PRDM1: variants seen among roughly 807,000 people sequenced by gnomAD.
PRDM1 encodes PR domain zinc finger protein 1.
A neutral mutation model predicts 62.8 loss-of-function variants in PRDM1; 13 were observed. That is an observed-to-expected ratio of 0.21 (90% CI 0.13 to 0.33). The LOEUF is 0.33. Ranked by LOEUF, PRDM1 falls within the 10% of genes least tolerant of loss-of-function variation. PRDM1 has a pLI of 1.00. For missense variants in PRDM1, 895 were observed against 1,058.8 expected (o/e 0.85, Z 2.15); for synonymous variants, 396 against 417.6 (o/e 0.95, Z 0.63).
At chr6:106,083,962 C>T (rs1323199292), upstream of PRDM1, among the ~76,000 whole-genome samples, 1 of 152,194 alleles carries the variant, frequency 6.6e-6, no homozygotes. Flanking sequence ...GTTCAGAGGT[C>T]AGTCCCTTTT....
intron 1 of PRDM1, among the ~76,000 whole-genome samples, chr6:106,041,509 A>C (rs1772993926): frequency 6.6e-6 from 1 of 152,102 alleles, no homozygotes; most frequent in African/African-American, 2.4e-5. Context: ...AATTATAGAG[A>C]GTTTGGAAGC....
intron 1 of PRDM1, among the ~76,000 whole-genome samples, chr6:106,022,495 C>T (rs1250160716): frequency 6.8e-6 from 1 of 147,718 alleles, no homozygotes; most frequent in Non-Finnish European, 1.5e-5. Context: ...ATGGCTTGAT[C>T]TCGGCTCACT....
intron 1 of PRDM1, among the ~76,000 whole-genome samples, chr6:106,019,844 T>C (rs1027746662): frequency 3.4e-5 from 5 of 145,282 alleles, no homozygotes; most frequent in African/African-American, 1.0e-4. Flanking sequence ...TTCACCATGT[T>C]GGTCAAGCTG....
At chr6:106,057,625 C>G (rs1297392811) in intron 1 of PRDM1, among the ~76,000 whole-genome samples, 1 of 152,090 alleles carries the variant, frequency 6.6e-6, no homozygotes, top group African/African-American at 2.4e-5. Flanking sequence ...TTACATATGT[C>G]TATGCAGAGA....
chr6:106,062,559 C>T (rs1264897566), intron 1 of PRDM1, among the ~76,000 whole-genome samples: 1 of 152,212 alleles, frequency 6.6e-6, no homozygotes, highest in African/African-American at 2.4e-5. Context: ...TTGGCTGCAC[C>T]TGGCCCTTTC....
chr6:106,061,198 T>A (rs1554201830), intron 1 of PRDM1, among the ~76,000 whole-genome samples: 1 of 132,628 alleles, frequency 7.5e-6, no homozygotes, highest in African/African-American at 2.9e-5. Flanking sequence ...TGATCCGGAC[T>A]GAGTGCCTTC....
rs377419325 is a variant in PRDM1, at chr6:105,994,304, C to T, written c.-67+665C>T. On this transcript the variant is annotated intron_variant, in intron 1 of 6. Transcript: ENST00000652320. This position sits in a 1 kb window ranked among gnomAD's most constrained non-coding sequence, Gnocchi z 4.1. ...GGAAAAGCAAATTCCACGGTGAACT[C>T]TACCAAGCTCAGCGCGTACACAGCT... Among the ~76,000 whole-genome samples the T allele has an allele frequency of 6.6e-6, 1 of 152,184 alleles. No homozygotes were observed. Among genetic ancestry groups the T allele is most frequent in the African/African-American group, 2.4e-5 (1 of 41,542 alleles).
rs1032113734 is a variant in PRDM1 at position 106,009,898 on chromosome 6, A to G, written c.-67+16259A>G. Among the ~76,000 whole-genome samples, 6 of 151,594 alleles carry G rather than the reference A, an allele frequency of 4.0e-5. 1 individual carries two copies. The highest frequency in any genetic ancestry group is 1.2e-4 in the African/African-American group (5 of 40,886). On this transcript the variant is annotated intron_variant, in intron 1 of 6. Transcript: ENST00000652320. ...ACGCCCGGCTAGTTTTTGTGTTTTT[A>G]GTAGAGACAGGGTTTCACCATGTTG...
At chr6:106,069,021 G>A (rs576666623) in intron 1 of PRDM1, among the ~76,000 whole-genome samples, 1 of 152,136 alleles carries the variant, frequency 6.6e-6, no homozygotes, top group Non-Finnish European at 1.5e-5. Flanking sequence ...AGCACACCAG[G>A]TTGTGGGGAT....
chr6:105,994,187 AT>A lies in PRDM1; in HGVS notation c.-67+549del. On this transcript the variant is annotated intron_variant, in intron 1 of 6. Coordinates refer to the PRDM1 transcript ENST00000652320. This position sits in a 1 kb window ranked among gnomAD's most constrained non-coding sequence, Gnocchi z 4.1. ...TCGGGTGCCGCGCTGGGGACGCCGC[AT>A]CTACTGAGCGGTCGCCGAAGACGCC... 6.6e-6 allele frequency among the ~76,000 whole-genome samples: 1 copy of A among 152,024 alleles called. No homozygotes were observed. The highest frequency in any genetic ancestry group is 3.4e-3 in the Middle Eastern group (1 of 292).
At chr6:106,080,600 A>G (rs562274767) in intron 1 of PRDM1, among the ~76,000 whole-genome samples, 1 of 152,354 alleles carries the variant, frequency 6.6e-6, no homozygotes, top group South Asian at 2.1e-4. Context: ...AGTAGCATAC[A>G]ATTAGAAGGA....
rs36077280 is a variant in PRDM1, at chr6:106,109,091, CAAA to C, written c.*1625_*1627del. The C allele has an allele frequency of 7.8e-3, 941 of 121,002 alleles. No homozygotes were observed. Among genetic ancestry groups the C allele is most frequent in the East Asian group, 0.029 (219 of 7,450 alleles). The allele number at this position is 121,002 out of a possible 1,614,324, so 7.5% of individuals were successfully genotyped here. On this transcript the variant is annotated 3_prime_UTR_variant, in exon 7 of 7. Coordinates refer to ENST00000369096, the MANE Select transcript of PRDM1 (RefSeq NM_001198.4). ...GTAAAAGATCTACTTTTTCTAAGGG[CAAA>C]AAAAAAAAAAAAAAAAAAAGAACAC...
chr6:105,997,114 A>C (rs1395565977), intron 1 of PRDM1, among the ~76,000 whole-genome samples: 1 of 152,248 alleles, frequency 6.6e-6, no homozygotes, highest in Non-Finnish European at 1.5e-5. Flanking sequence ...ACATACTGTA[A>C]GGACAGGGGT....
In PRDM1 at chr6:106,053,879, C is replaced by T. The variant is rs189936440; in HGVS notation, c.-67+5165C>T. 3.9e-4 allele frequency among the ~76,000 whole-genome samples: 59 copies of T among 149,526 alleles called. No homozygotes were observed. In the East Asian group the frequency reaches 5.1e-3, roughly 13 times the overall value. Reference sequence around the variant, plus strand: ...AATACTCTGGGTAGAAAGTTCATGCCTTAGAGCATCCTTATCCCCTAGTTT... The same window carrying T: ...AATACTCTGGGTAGAAAGTTCATGCTTTAGAGCATCCTTATCCCCTAGTTT... On this transcript the variant is annotated intron_variant, in intron 1 of 6. Coordinates refer to the PRDM1 transcript ENST00000651185.
At chr6:106,016,752 G>A (rs1037721592) in intron 1 of PRDM1, among the ~76,000 whole-genome samples, 12 of 150,670 alleles carry the variant, frequency 8.0e-5, no homozygotes, top group African/African-American at 2.7e-4. Context: ...GGGTTCAAGC[G>A]ATTCTCCTGC....
chr6:105,993,772 G>A (rs1204922271), intron 1 of PRDM1, among the ~76,000 whole-genome samples: 1 of 152,230 alleles, frequency 6.6e-6, no homozygotes, highest in East Asian at 1.9e-4. Flanking sequence ...TAAAAGAGTG[G>A]TGGTATGGGG....
chr6:106,041,687 T>C (rs1773000544), intron 1 of PRDM1, among the ~76,000 whole-genome samples: 1 of 152,126 alleles, frequency 6.6e-6, no homozygotes, highest in African/African-American at 2.4e-5. Flanking sequence ...CCAGAAAAGT[T>C]TGACCGTATA....
intron 1 of PRDM1, among the ~76,000 whole-genome samples, chr6:106,010,817 C>A (rs1042088772): frequency 2.6e-5 from 4 of 152,128 alleles, no homozygotes; most frequent in Non-Finnish European, 5.9e-5. Flanking sequence ...CTGCATGGGG[C>A]GATGACCTCG....
intron 1 of PRDM1, among the ~76,000 whole-genome samples, chr6:106,000,811 G>A (rs903231441): frequency 3.3e-5 from 5 of 152,082 alleles, no homozygotes; most frequent in African/African-American, 7.2e-5. Flanking sequence ...ATTTTATAAT[G>A]TTCACTATTT....
Sources: allele counts gnomAD v4.1 joint callset (sites outside exome capture counted in the v4.1 genomes callset), GRCh38; gene constraint gnomAD v4.1.1; non-coding constraint Gnocchi (gnomAD v3.1); transcripts MANE v1.5; gene names NCBI Gene and HGNC (gene_info 2026-07-23, HGNC 2026-07-21).